ZNF624: variants seen among roughly 807,000 people sequenced by gnomAD.
ZNF624 encodes zinc finger protein 624.
A neutral mutation model predicts 74.7 loss-of-function variants in ZNF624; 43 were observed. The ratio of observed to expected loss-of-function variants is 0.58; its 90% confidence interval spans 0.45 to 0.74. The LOEUF (loss-of-function observed/expected upper bound fraction) is 0.74. ZNF624 is among the 30% of genes least tolerant of loss of function. The probability of loss-of-function intolerance (pLI) is 0.00; values close to 1 mark genes in which losing one functional copy is unlikely to be tolerated. For missense variants in ZNF624, 820 were observed against 1,030.0 expected (o/e 0.80, Z 2.79); for synonymous variants, 331 against 341.3 (o/e 0.97, Z 0.33).
At chr17:16,630,733 T>C (rs1909187144) in intron 5 of ZNF624, among the ~76,000 whole-genome samples, 1 of 152,104 alleles carries the variant, frequency 6.6e-6, no homozygotes, top group Admixed American at 6.6e-5. Flanking sequence ...CAAAAACTTT[T>C]AAGAAATGAG....
chr17:16,627,516 G>A (rs1369011322), intron 5 of ZNF624, among the ~76,000 whole-genome samples: 1 of 152,160 alleles, frequency 6.6e-6, no homozygotes, highest in Non-Finnish European at 1.5e-5. Flanking sequence ...CAAATTACAA[G>A]GAGAAGAATG....
Position 16,623,900 on chromosome 17 carries a change from T to A in ZNF624, c.986A>T (p.Glu329Val), listed in dbSNP as rs552037836. The change falls in exon 6 of 6, where the codon GAA (glutamate) becomes GTA (valine). Residue 329 changes from glutamate (E) to valine (V), a missense_variant. Glu to Val is a moderately radical substitution (Grantham distance 121). Coordinates refer to ENST00000311331, the MANE Select transcript of ZNF624 (RefSeq NM_020787.4). The surrounding 1 kb of genome is among the most constrained non-coding windows in gnomAD (Gnocchi z 5.3). Reference sequence around the variant, plus strand: ...ACATTCATTACATTTATAGGGTTTTTCTCCAGTGTGGATTTTTTTGTGCTG... The same window carrying A: ...ACATTCATTACATTTATAGGGTTTTACTCCAGTGTGGATTTTTTTGTGCTG... Reference protein sequence around the residue: ...LSQHKKIHTGEKPYKCNECGK... With the variant: ...LSQHKKIHTGVKPYKCNECGK... 141 of 1,614,008 alleles carry A rather than the reference T, an allele frequency of 8.7e-5. 2 individuals are homozygous for A. The South Asian group carries it at 1.5e-3, about 17-fold the overall frequency.
At chr17:16,651,214 G>A (rs1031577075) in intron 1 of ZNF624, among the ~76,000 whole-genome samples, 38 of 151,984 alleles carry the variant, frequency 2.5e-4, no homozygotes, top group Admixed American at 2.6e-4. Context: ...AGCACCTGAG[G>A]TCAGGAGTTT....
chr17:16,634,045 A>C, intron 4 of ZNF624, 88 bp from the exon 5 acceptor site: 2 of 1,032,808 alleles, frequency 1.9e-6, no homozygotes, highest in African/African-American at 1.6e-5. Flanking sequence ...TCTTCTGGGC[A>C]GAATGACCAT....
chr17:16,620,050 G>A (rs923162650), downstream of ZNF624, among the ~76,000 whole-genome samples: 2 of 152,192 alleles, frequency 1.3e-5, no homozygotes, highest in African/African-American at 2.4e-5. Flanking sequence ...ATGTCAAATT[G>A]TTCATTTATG....
chr17:16,623,999 C>A lies in ZNF624; in HGVS notation c.887G>T (p.Arg296Ile), dbSNP rs764227964. 5.3e-5 allele frequency: 85 copies of A among 1,613,602 alleles called. No homozygotes were observed. In the Admixed American group the frequency reaches 6.7e-4, roughly 13 times the overall value. ...ATAAGGTTTTTCTTTAGTATGAGTTCTTTGATGTTGAATGAGCAATGATCT... is the reference window on the plus strand; with the variant it reads ...ATAAGGTTTTTCTTTAGTATGAGTTATTTGATGTTGAATGAGCAATGATCT... ...HYRSLLIQHQ[R>I]THTKEKPYEC... Residue 296 changes from arginine to isoleucine, a missense_variant, in exon 6 of 6, where the codon AGA becomes ATA. Transcript: ENST00000311331. This position sits in a 1 kb window ranked among gnomAD's most constrained non-coding sequence, Gnocchi z 5.3.
downstream of ZNF624, among the ~76,000 whole-genome samples, chr17:16,619,540 T>G (rs1280591654): frequency 1.3e-5 from 2 of 152,120 alleles, no homozygotes; most frequent in Non-Finnish European, 2.9e-5. Context: ...AACAGGTACT[T>G]CCCAAAGAAG....
In ZNF624 at chr17:16,623,634, A is replaced by AT; in HGVS notation, c.1251dup (p.Cys418MetfsTer2). On this transcript the variant is annotated frameshift_variant, in exon 6 of 6. Transcript: ENST00000311331. LOFTEE classifies it high-confidence loss of function. This position sits in a 1 kb window ranked among gnomAD's most constrained non-coding sequence, Gnocchi z 5.3. ...CTAAAGGCTTTCCCACAATCATCAC[A>AT]TTTGTAGGGTTTCTCACCATTGTGA... is the stretch of plus-strand genomic sequence containing the variant. 1 of 1,610,840 alleles carries AT rather than the reference A, an allele frequency of 6.2e-7. No individual in the cohort carries two copies. Among genetic ancestry groups the AT allele is most frequent in the African/African-American group, 1.3e-5 (1 of 74,746 alleles).
At chr17:16,626,199 C>T (rs1398233195) in intron 5 of ZNF624, among the ~76,000 whole-genome samples, 1 of 152,212 alleles carries the variant, frequency 6.6e-6, no homozygotes, top group East Asian at 1.9e-4. Context: ...GATCCACCCT[C>T]CTCGGCCTTC....
At chr17:16,632,005 C>T (rs529407429) in intron 5 of ZNF624, among the ~76,000 whole-genome samples, 1 of 152,170 alleles carries the variant, frequency 6.6e-6, no homozygotes, top group Non-Finnish European at 1.5e-5. Context: ...ACACTTTTCC[C>T]AATAAAAGCT....
intron 3 of ZNF624, among the ~76,000 whole-genome samples, chr17:16,646,523 C>G (rs1256308353): frequency 2.0e-5 from 3 of 152,116 alleles, no homozygotes; most frequent in African/African-American, 7.2e-5. Context: ...AATGAGGGAT[C>G]AGAAGCTTGA....
intron 3 of ZNF624, among the ~76,000 whole-genome samples, chr17:16,640,313 A>T (rs1909437245): frequency 6.6e-6 from 1 of 152,166 alleles, no homozygotes; most frequent in African/African-American, 2.4e-5. Context: ...CTACAATTTA[A>T]AAAGAAGAAA....
downstream of ZNF624, chr17:16,616,756 TTGCAGAAGAGAC>T: frequency 1.3e-6 from 1 of 753,024 alleles, no homozygotes; most frequent in Non-Finnish European, 2.0e-6. Flanking sequence ...GAGATTCCTC[TTGCAGAAGAGAC>T]CAAGTATAAA....
intron 3 of ZNF624, among the ~76,000 whole-genome samples, chr17:16,644,975 A>G (rs1399128017): frequency 1.3e-5 from 2 of 152,236 alleles, no homozygotes; most frequent in Non-Finnish European, 2.9e-5. Context: ...GGGGTTTCTG[A>G]ATATGTCATT....
intron 5 of ZNF624, among the ~76,000 whole-genome samples, chr17:16,625,543 A>C (rs769363017): frequency 6.6e-6 from 1 of 152,172 alleles, no homozygotes; most frequent in Non-Finnish European, 1.5e-5. Context: ...TCTCAAATTC[A>C]CTGGCAGAGT....
chr17:16,649,940 TA>T (rs1456234987), intron 1 of ZNF624, among the ~76,000 whole-genome samples, 194 bp from the exon 2 acceptor site: 1 of 152,198 alleles, frequency 6.6e-6, no homozygotes, highest in African/African-American at 2.4e-5. Context: ...TAGTCACAAC[TA>T]ACAGGCTAGC....
Position 16,624,484 on chromosome 17 carries a change from C to T in ZNF624, c.402G>A (p.Lys134=), listed in dbSNP as rs767413064. ...YPDMEPKPAT[K]KATRTKAISE... ...AAATAGCCTTTGTTCGTGTAGCCTT[C>T]TTGGTTGCAGGTTTGGGCTCCATGT... The change falls in exon 6 of 6, where the codon AAG becomes AAA. Residue 134 remains lysine (K), a synonymous_variant. Transcript: ENST00000311331. The T allele has an allele frequency of 1.8e-5, 29 of 1,573,924 alleles. No homozygotes were observed. Among genetic ancestry groups the T allele is most frequent in the Non-Finnish European group, 2.3e-5 (27 of 1,166,444 alleles).
chr17:16,640,289 T>C (rs758865070), intron 3 of ZNF624, among the ~76,000 whole-genome samples: 1 of 152,122 alleles, frequency 6.6e-6, no homozygotes, highest in African/African-American at 2.4e-5. Context: ...GGGAAATTTA[T>C]AGCTATAAAA....
rs781165404 is a variant in ZNF624 at position 16,623,279 on chromosome 17, G to A, written c.1607C>T (p.Ala536Val). Reference sequence around the variant, plus strand: ...AGTAAGGCATGAATAATTAATGAATGCTTTCCCACATTCATTACATTTATA... The same window carrying A: ...AGTAAGGCATGAATAATTAATGAATACTTTCCCACATTCATTACATTTATA... ...KPYKCNECGKAFINYSCLTVH... is the reference protein window; with the variant it reads ...KPYKCNECGKVFINYSCLTVH... Residue 536 changes from alanine (A) to valine (V), a missense_variant, in exon 6 of 6, where the codon GCA becomes GTA. Transcript: ENST00000311331. This position sits in a 1 kb window ranked among gnomAD's most constrained non-coding sequence, Gnocchi z 5.3. The A allele has an allele frequency of 6.2e-7, 1 of 1,613,934 alleles. No homozygotes were observed. Among genetic ancestry groups the A allele is most frequent in the Non-Finnish European group, 8.5e-7 (1 of 1,179,864 alleles).
Sources: gnomAD v4.1 joint callset for allele counts (sites outside exome capture counted in the v4.1 genomes callset) on GRCh38, gnomAD v4.1.1 for gene constraint, Gnocchi (gnomAD v3.1) non-coding constraint, MANE v1.5 for transcripts, NCBI Gene and HGNC (gene_info 2026-07-23, HGNC 2026-07-21) for gene names.